ATP8A2: variants seen among roughly 807,000 people sequenced by gnomAD.
The protein encoded by ATP8A2 is phospholipid-transporting ATPase IB.
In ATP8A2, 100 loss-of-function variants were observed where a neutral mutation model predicts 165.6. The ratio of observed to expected loss-of-function variants is 0.60; its 90% CI spans 0.51 to 0.71. The LOEUF (loss-of-function observed/expected upper bound fraction) is 0.71. Among genes scored for constraint, ATP8A2 ranks in the 30% least tolerant of loss-of-function variants. ATP8A2 has a pLI of 0.00. For missense variants in ATP8A2, 1,227 were observed against 1,479.5 expected (o/e 0.83, Z 2.80); for synonymous variants, 543 against 548.8 (o/e 0.99, Z 0.15).
chr13:25,880,579 T>C (rs1356073901), intron 33 of ATP8A2, among the ~76,000 whole-genome samples: 1 of 152,168 alleles, frequency 6.6e-6, no homozygotes, highest in Non-Finnish European at 1.5e-5. Flanking sequence ...ATTTAGGCAT[T>C]GTGAACTTCT....
At chr13:26,001,670 T>C (rs1340158558) in intron 35 of ATP8A2, among the ~76,000 whole-genome samples, 1 of 152,236 alleles carries the variant, frequency 6.6e-6, no homozygotes, top group East Asian at 1.9e-4. Flanking sequence ...GTGTATTTTC[T>C]TTGAATAAGG....
chr13:25,894,946 G>C (rs1243293133), intron 33 of ATP8A2, among the ~76,000 whole-genome samples: 1 of 152,030 alleles, frequency 6.6e-6, no homozygotes, highest in Non-Finnish European at 1.5e-5. Context: ...TGAGACAATG[G>C]GGTTTTCTAG....
chr13:25,496,882 A>G (rs1237296071), intron 2 of ATP8A2, among the ~76,000 whole-genome samples: 1 of 152,126 alleles, frequency 6.6e-6, no homozygotes, highest in African/African-American at 2.4e-5. Flanking sequence ...GGGAAATCTC[A>G]ATATTATAAT....
Position 25,953,567 on chromosome 13 carries a change from G to A in ATP8A2, c.3184-8008G>A, listed in dbSNP as rs1054760844. 2.0e-4 allele frequency among the ~76,000 whole-genome samples: 28 copies of A among 140,496 alleles called. No homozygotes were observed. Among genetic ancestry groups the A allele is most frequent in the Admixed American group, 2.8e-4 (4 of 14,462 alleles). 92.2% of individuals were successfully genotyped at this position (140,496 alleles called of 152,430 possible). A position where few individuals can be genotyped will look rare whatever the true frequency, so the allele number is the denominator to read the frequency against. On this transcript the variant is annotated intron_variant, in intron 33 of 36. Coordinates refer to ENST00000381655, the MANE Select transcript of ATP8A2 (RefSeq NM_016529.6). This position sits in a 1 kb window ranked among gnomAD's most constrained non-coding sequence, Gnocchi z 6.7. ...AAAAAGCAAGGGAAATAGGCAAGAC[G>A]GCCAAATAGGAACAGCTCCAGTCTG...
intron 24 of ATP8A2, among the ~76,000 whole-genome samples, chr13:25,627,166 T>C (rs903473648): frequency 1.3e-5 from 2 of 152,042 alleles, no homozygotes; most frequent in African/African-American, 4.8e-5. Context: ...GGGGTGGATA[T>C]GCCAGACAGA....
Position 25,774,974 on chromosome 13 carries a change from T to A in ATP8A2, c.2679+15T>A. 7.0e-7 allele frequency: 1 copy of A among 1,423,906 alleles called. No individual in the cohort carries two copies. Among genetic ancestry groups the A allele is most frequent in the Non-Finnish European group, 9.8e-7 (1 of 1,019,594 alleles). 88.2% of individuals were successfully genotyped at this position (1,423,906 alleles called of 1,614,324 possible). On this transcript the variant is annotated intron_variant, in intron 27 of 36. Transcript: ENST00000381655. The stretch of plus-strand genomic sequence containing the variant: ...ATATTATTGAGGTAAGAAGGGGTAT[T>A]TTTTTTCCTTGAAGAGAAAGTTCTT...
At chr13:25,426,520 A>T (rs1035720800) in intron 1 of ATP8A2, among the ~76,000 whole-genome samples, 1 of 152,174 alleles carries the variant, frequency 6.6e-6, no homozygotes, top group Non-Finnish European at 1.5e-5. Flanking sequence ...TGAAGCACGG[A>T]GGATTTTGAG....
At position 25,960,991 on chromosome 13, in the gene ATP8A2, T is replaced by A. The variant is rs192807453; in HGVS notation, c.3184-584T>A. 1.0e-3 allele frequency among the ~76,000 whole-genome samples: 155 copies of A among 152,338 alleles called. 1 individual carries two copies. The highest frequency in any genetic ancestry group is 2.7e-3 in the Admixed American group (42 of 15,302). On this transcript the variant is annotated intron_variant, in intron 33 of 36. Transcript: ENST00000381655. ...ATACTCTGTCGTCTTTAAGAAGTCT[T>A]CCCAGAAACCCCATCGTTTATATTC...
At chr13:25,727,797 CT>C (rs2043528328) in intron 25 of ATP8A2, among the ~76,000 whole-genome samples, 1 of 152,172 alleles carries the variant, frequency 6.6e-6, no homozygotes, top group Non-Finnish European at 1.5e-5. Flanking sequence ...ATATACTCCC[CT>C]TTGTAATTTC....
chr13:25,398,817 T>A (rs1290354673), intron 1 of ATP8A2, among the ~76,000 whole-genome samples: 1 of 152,062 alleles, frequency 6.6e-6, no homozygotes, highest in Non-Finnish European at 1.5e-5. Context: ...AGAGCATCCT[T>A]CTCACCAGGT....
chr13:25,853,426 A>G (rs1415885543), intron 30 of ATP8A2, among the ~76,000 whole-genome samples: 9 of 100,142 alleles, frequency 9.0e-5, no homozygotes, highest in Non-Finnish European at 1.5e-4. Context: ...TATATATAGA[A>G]TTTCTTATAA....
intron 33 of ATP8A2, among the ~76,000 whole-genome samples, chr13:25,885,402 C>T (rs1320178262): frequency 6.6e-6 from 1 of 151,984 alleles, no homozygotes; most frequent in Non-Finnish European, 1.5e-5. Flanking sequence ...CATGAGCCAC[C>T]GCACCAAGCC....
chr13:25,736,861 A>T (rs916790291), intron 25 of ATP8A2, among the ~76,000 whole-genome samples: 2 of 152,154 alleles, frequency 1.3e-5, no homozygotes, highest in African/African-American at 4.8e-5. Context: ...ACCCCAGGGA[A>T]TATAACCAGC....
intron 27 of ATP8A2, among the ~76,000 whole-genome samples, chr13:25,789,752 A>C (rs2045119688): frequency 1.3e-5 from 2 of 152,258 alleles, no homozygotes; most frequent in African/African-American, 4.8e-5. Context: ...AACAAAAAGA[A>C]ATGAGCCCCA....
intron 27 of ATP8A2, among the ~76,000 whole-genome samples, chr13:25,810,353 G>C (rs1950837335): frequency 6.6e-6 from 1 of 152,198 alleles, no homozygotes; most frequent in South Asian, 2.1e-4. Context: ...AGGCTCAGCT[G>C]AAGTGGCCTT....
intron 1 of ATP8A2, among the ~76,000 whole-genome samples, chr13:25,397,376 G>A (rs1262093596): frequency 1.3e-5 from 2 of 152,222 alleles, no homozygotes; most frequent in Middle Eastern, 3.4e-3. Context: ...TGAACAAGTG[G>A]TTGAAATCCT....
chr13:25,889,925 G>A (rs927540124), intron 33 of ATP8A2, among the ~76,000 whole-genome samples: 15 of 152,072 alleles, frequency 9.9e-5, no homozygotes, highest in African/African-American at 3.1e-4. Context: ...CACTTTGGAA[G>A]GCCAACGCAG....
intron 24 of ATP8A2, among the ~76,000 whole-genome samples, chr13:25,612,759 T>C (rs552847777): frequency 1.3e-5 from 2 of 152,324 alleles, no homozygotes; most frequent in East Asian, 3.9e-4. Context: ...ATTATTGTGT[T>C]GCCATCTATC....
intron 1 of ATP8A2, among the ~76,000 whole-genome samples, chr13:25,456,562 A>G (rs888473517): frequency 1.3e-5 from 2 of 152,200 alleles, no homozygotes; most frequent in Non-Finnish European, 2.9e-5. Context: ...ACAAGGGAAG[A>G]CATCTCAGAG....
Sources: gnomAD v4.1 joint callset for allele counts (sites outside exome capture counted in the v4.1 genomes callset) on GRCh38, gnomAD v4.1.1 for gene constraint, Gnocchi (gnomAD v3.1) non-coding constraint, MANE v1.5 for transcripts, NCBI Gene and HGNC (gene_info 2026-07-23, HGNC 2026-07-21) for gene names.